The following DNAJC15 variants were observed in gnomAD, a reference collection of about 807,000 sequenced individuals.
The protein encoded by DNAJC15 is dnaJ homolog subfamily C member 15.
Under a neutral mutation model 22.4 loss-of-function variants are expected in DNAJC15, and 27 were observed. That is an observed-to-expected ratio of 1.20 (90% confidence interval 0.89 to 1.66). The LOEUF (loss-of-function observed/expected upper bound fraction) is 1.66. DNAJC15 is among the 40% of genes most tolerant of loss of function. DNAJC15 has a pLI of 0.00. For missense variants in DNAJC15, 208 were observed against 187.1 expected, an observed-to-expected ratio of 1.11 and a Z score of -0.65; for synonymous variants, 79 against 63.2, an observed-to-expected ratio of 1.25 and a Z score of -1.19.
At chr13:43,094,455 C>T (rs1156281206) in intron 5 of DNAJC15, among the ~76,000 whole-genome samples, 1 of 152,148 alleles carries the variant, frequency 6.6e-6, no homozygotes, top group Non-Finnish European at 1.5e-5. Context: ...TTCTAATGTA[C>T]ACTAATGTTT....
chr13:43,039,843 A>G (rs2040444965), intron 1 of DNAJC15, among the ~76,000 whole-genome samples: 1 of 152,130 alleles, frequency 6.6e-6, no homozygotes. Flanking sequence ...ATATGGTGGA[A>G]CCTCATCTCT....
At chr13:43,066,059 G>A (rs971923299) in intron 2 of DNAJC15, among the ~76,000 whole-genome samples, 3 of 151,910 alleles carry the variant, frequency 2.0e-5, no homozygotes, top group African/African-American at 7.3e-5. Flanking sequence ...GGCATGGAGT[G>A]CCTTTATTCT....
intron 1 of DNAJC15, among the ~76,000 whole-genome samples, chr13:43,027,002 A>T (rs894134915): frequency 1.3e-5 from 2 of 152,264 alleles, no homozygotes; most frequent in African/African-American, 4.8e-5. Flanking sequence ...AATAATTTTT[A>T]AAAATAGGCA....
At chr13:43,060,138 A>AATAGTG (rs1216146295) in intron 1 of DNAJC15, among the ~76,000 whole-genome samples, 1 of 152,118 alleles carries the variant, frequency 6.6e-6, no homozygotes, top group Non-Finnish European at 1.5e-5. Context: ...AGCAAAACAA[A>AATAGTG]ATAGTGAAGT....
chr13:43,046,830 C>A (rs984594968), intron 1 of DNAJC15, among the ~76,000 whole-genome samples: 1 of 152,228 alleles, frequency 6.6e-6, no homozygotes. Flanking sequence ...ACTTACACCC[C>A]TCTGGATCCA....
intron 3 of DNAJC15, among the ~76,000 whole-genome samples, chr13:43,075,282 C>A (rs2040628270): frequency 6.6e-6 from 1 of 152,170 alleles, no homozygotes; most frequent in South Asian, 2.1e-4. Flanking sequence ...TTCTGAAACT[C>A]TATGTCTACC....
At chr13:43,051,962 GATTATT>G (rs974385663) in intron 1 of DNAJC15, among the ~76,000 whole-genome samples, 1 of 151,842 alleles carries the variant, frequency 6.6e-6, no homozygotes, top group Non-Finnish European at 1.5e-5. Context: ...ATTATTTTTT[GATTATT>G]ATTATTATTT....
chr13:43,069,122 A>G lies in DNAJC15; in HGVS notation c.234+119A>G. On this transcript the variant is annotated intron_variant, in intron 3 of 5. Coordinates refer to ENST00000379221, the MANE Select transcript of DNAJC15 (RefSeq NM_013238.3). ...ATGTTTGTAGAAGTTTGTTTCCTTC[A>G]CTATATCATTGGTGAGTTTGTCTAA... 7.5e-6 allele frequency: 7 copies of G among 939,596 alleles called. No individual in the cohort carries two copies. The South Asian group carries it at 1.3e-4, about 18-fold the overall frequency. The allele number at this position is 939,596 out of a possible 1,614,324, so 58.2% of individuals were successfully genotyped here. A position where few individuals can be genotyped will look rare whatever the true frequency, so the allele number is the denominator to read the frequency against.
At chr13:43,057,151 C>T (rs1041219272) in intron 1 of DNAJC15, among the ~76,000 whole-genome samples, 2 of 152,280 alleles carry the variant, frequency 1.3e-5, no homozygotes, top group East Asian at 1.9e-4. Flanking sequence ...ATGTCTAGGT[C>T]TCTAGCAAGG....
intron 3 of DNAJC15, among the ~76,000 whole-genome samples, chr13:43,076,606 T>G (rs1342233659): frequency 6.6e-6 from 1 of 152,206 alleles, no homozygotes; most frequent in Non-Finnish European, 1.5e-5. Flanking sequence ...TCCCTACTTT[T>G]GTAAGGAAAT....
chr13:43,112,531 A>C lies in DNAJC15; in HGVS notation c.*5283A>C, dbSNP rs528615311. 3 of 152,366 alleles carry C rather than the reference A, an allele frequency of 2.0e-5. No individual in the cohort carries two copies. The East Asian group carries it at 5.8e-4, about 29-fold the overall frequency. 9.4% of individuals were successfully genotyped at this position (152,366 alleles called of 1,614,324 possible). ...ATAGAGATATTGGTTCAATATGGAC[A>C]TCTAAACTATAATGCTAAAAGCCAA... On this transcript the variant is annotated 3_prime_UTR_variant, in exon 6 of 6. Transcript: ENST00000379221.
chr13:43,045,609 CG>C (rs1373880421), intron 1 of DNAJC15, among the ~76,000 whole-genome samples: 3 of 151,986 alleles, frequency 2.0e-5, no homozygotes, highest in Admixed American at 6.5e-5. Context: ...TGGGTAACAT[CG>C]GGTTCTAAGT....
chr13:43,046,155 TTCA>T (rs891328553), intron 1 of DNAJC15, among the ~76,000 whole-genome samples: 2 of 151,922 alleles, frequency 1.3e-5, no homozygotes, highest in Non-Finnish European at 2.9e-5. Context: ...GTGGATTATC[TTCA>T]TTTTTTTTTT....
chr13:43,047,353 G>A (rs2040483250), intron 1 of DNAJC15, among the ~76,000 whole-genome samples: 1 of 152,192 alleles, frequency 6.6e-6, no homozygotes, highest in Admixed American at 6.5e-5. Context: ...GTACTATGGA[G>A]TACTGAAGAG....
intron 1 of DNAJC15, among the ~76,000 whole-genome samples, chr13:43,042,038 T>C (rs2040456506): frequency 6.6e-6 from 1 of 152,200 alleles, no homozygotes. Context: ...TTAATCCTGC[T>C]GCCTATCTAT....
rs900629001 is a variant in DNAJC15 at position 43,068,622 on chromosome 13, ATTT to A, written c.161-302_161-300del. ...GTTGTATAAAGAATACTAGGATGTT[ATTT>A]TTTTTGTGACCTATACCATAATATA... On this transcript the variant is annotated intron_variant, in intron 2 of 5. Coordinates refer to ENST00000379221, the MANE Select transcript of DNAJC15 (RefSeq NM_013238.3). 3.3e-5 allele frequency among the ~76,000 whole-genome samples: 5 copies of A among 151,812 alleles called. No homozygotes were observed. In the South Asian group the frequency reaches 1.0e-3, roughly 32 times the overall value.
At position 43,107,762 on chromosome 13, in the gene DNAJC15, G is replaced by A. The variant is rs1219299640; in HGVS notation, c.*514G>A. The A allele has an allele frequency of 6.6e-6, 1 of 152,158 alleles. No homozygotes were observed. The highest frequency in any genetic ancestry group is 2.4e-5 in the African/African-American group (1 of 41,440). 9.4% of individuals were successfully genotyped at this position (152,158 alleles called of 1,614,324 possible). ...GAAATGTAATGGAATTTATTAAATG[G>A]TGTTTAGTAAAGTAGGGGTTAAGGA... On this transcript the variant is annotated 3_prime_UTR_variant, in exon 6 of 6. Transcript: ENST00000379221.
chr13:43,104,512 G>A (rs1019908013), intron 5 of DNAJC15, among the ~76,000 whole-genome samples: 2 of 151,958 alleles, frequency 1.3e-5, no homozygotes, highest in African/African-American at 2.4e-5. Flanking sequence ...AAACATGATG[G>A]TTCACAATAG....
In DNAJC15 at chr13:43,078,706, G is replaced by C; in HGVS notation, c.311+18G>C. 1 of 1,607,902 alleles carries C rather than the reference G, an allele frequency of 6.2e-7. No homozygotes were observed. The highest frequency in any genetic ancestry group is 8.5e-7 in the Non-Finnish European group (1 of 1,175,706). On this transcript the variant is annotated intron_variant, in intron 4 of 5. Transcript: ENST00000379221. Reference sequence around the variant, plus strand: ...GGTGTAAGGTAGGTGTGCAGCATAAGTATTGTTTTGTTGTGTGGCCAAGCT... The same window carrying C: ...GGTGTAAGGTAGGTGTGCAGCATAACTATTGTTTTGTTGTGTGGCCAAGCT...
Sources: gnomAD v4.1 joint callset for allele counts (sites outside exome capture counted in the v4.1 genomes callset) on GRCh38, gnomAD v4.1.1 for gene constraint, MANE v1.5 for transcripts, NCBI Gene and HGNC (gene_info 2026-07-23, HGNC 2026-07-21) for gene names.